The following LRTM3 variants were observed in gnomAD, a reference collection of about 807,000 sequenced individuals.
The protein encoded by LRTM3 is leucine-rich repeat transmembrane protein 3.
At chr13:102,741,564 A>G in the LRTM3 span, 16 of 1,550,162 alleles carry the variant, frequency 1.0e-5, no homozygotes, top group African/African-American at 8.2e-5. Context: ...GTGTTTTCCA[A>G]ATGAAGAGGT....
the LRTM3 span, chr13:102,745,188 G>A: frequency 2.6e-5 from 40 of 1,550,660 alleles, no homozygotes; most frequent in South Asian, 7.1e-5. Context: ...TGACCTGAAC[G>A]GAACATGAAA....
At chr13:102,731,738 G>T in the LRTM3 span, 4 of 1,551,228 alleles carry the variant, frequency 2.6e-6, no homozygotes, top group Non-Finnish European at 3.5e-6. Context: ...AACTTGAGGC[G>T]GTATGGGCAC....
At chr13:102,752,687 T>C in the LRTM3 span, among the ~76,000 whole-genome samples, 1 of 152,230 alleles carries the variant, frequency 6.6e-6, no homozygotes, top group Admixed American at 6.5e-5. Flanking sequence ...ATATAGGCTA[T>C]TTTATGGGCT....
the LRTM3 span, among the ~76,000 whole-genome samples, chr13:102,755,939 A>G: frequency 0.38 from 32,170 of 85,074 alleles, 4,212 homozygotes; most frequent in South Asian, 0.47. Context: ...GTGTATATAT[A>G]TACATATATA....
the LRTM3 span, chr13:102,748,462 G>A: frequency 6.4e-7 from 1 of 1,551,200 alleles, no homozygotes; most frequent in Middle Eastern, 1.7e-4. Flanking sequence ...CCCTTGGAAA[G>A]CACCTTTGCG....
the LRTM3 span, chr13:102,747,664 C>T: frequency 6.4e-7 from 1 of 1,551,158 alleles, no homozygotes; most frequent in Non-Finnish European, 8.7e-7. Flanking sequence ...CACCAACTGG[C>T]AAGTTCTCTG....
the LRTM3 span, chr13:102,738,345 G>C: frequency 1.9e-6 from 3 of 1,550,878 alleles, no homozygotes; most frequent in South Asian, 3.6e-5. Context: ...GATAGTTCTG[G>C]AAGATAGTAT....
chr13:102,734,285 T>C, the LRTM3 span: 3 of 1,551,302 alleles, frequency 1.9e-6, no homozygotes, highest in African/African-American at 4.1e-5. Flanking sequence ...TGCTGTTTTC[T>C]CTGTATCTGG....
At chr13:102,735,926 T>G in the LRTM3 span, 5 of 1,541,652 alleles carry the variant, frequency 3.2e-6, no homozygotes, top group African/African-American at 1.4e-5. Context: ...TTCCCCTTGC[T>G]CTTCAATGTG....
At chr13:102,730,099 T>C in the LRTM3 span, 2 of 1,550,462 alleles carry the variant, frequency 1.3e-6, no homozygotes, top group African/African-American at 1.4e-5. Context: ...ATGATCTATA[T>C]TTCCTGCTTT....
chr13:102,729,948 G>T, the LRTM3 span: 2 of 1,551,756 alleles, frequency 1.3e-6, no homozygotes, highest in African/African-American at 2.7e-5. Flanking sequence ...TCAGTTAAGG[G>T]AGCTGAAGAG....
At chr13:102,752,427 T>A in the LRTM3 span, among the ~76,000 whole-genome samples, 1 of 152,164 alleles carries the variant, frequency 6.6e-6, no homozygotes, top group East Asian at 1.9e-4. Flanking sequence ...CACTTCCCAG[T>A]CTGTCAGAAT....
chr13:102,732,180 T>C, the LRTM3 span: 1 of 1,551,246 alleles, frequency 6.4e-7, no homozygotes, highest in Non-Finnish European at 8.7e-7. Context: ...TCCTGGAATT[T>C]AGGAAGACAG....
At chr13:102,749,177 A>C in the LRTM3 span, 1 of 1,550,518 alleles carries the variant, frequency 6.4e-7, no homozygotes, top group Non-Finnish European at 8.7e-7. Context: ...ACATACTGTG[A>C]TTTGAAATAC....
chr13:102,744,145 C>T, the LRTM3 span: 2 of 1,550,572 alleles, frequency 1.3e-6, no homozygotes, highest in Non-Finnish European at 1.7e-6. Context: ...AACGGTGTTG[C>T]TTTTTCTTTC....
the LRTM3 span, chr13:102,739,451 G>A: frequency 1.3e-6 from 2 of 1,550,586 alleles, no homozygotes; most frequent in Non-Finnish European, 1.7e-6. Context: ...GCCCTTTAGA[G>A]TTCCTGACTT....
chr13:102,733,894 T>C, the LRTM3 span: 1 of 1,551,328 alleles, frequency 6.4e-7, no homozygotes, highest in South Asian at 1.2e-5. Flanking sequence ...CGCCTTCAAC[T>C]GAGTCTCTAT....
chr13:102,741,676 C>T, the LRTM3 span: 1 of 1,550,278 alleles, frequency 6.5e-7, no homozygotes, highest in Non-Finnish European at 8.7e-7. Flanking sequence ...AAGTATCCAA[C>T]TCTGTAAAAA....
At chr13:102,730,803 C>T in the LRTM3 span, 5 of 1,551,452 alleles carry the variant, frequency 3.2e-6, no homozygotes, top group East Asian at 1.2e-4. Flanking sequence ...AACGTACTTC[C>T]AACAGGAAGC....
Sources: allele counts gnomAD v4.1 joint callset (sites outside exome capture counted in the v4.1 genomes callset), GRCh38; gene constraint gnomAD v4.1.1; transcripts MANE v1.5; gene names NCBI Gene and HGNC (gene_info 2026-07-23, HGNC 2026-07-21).